ELP4: variants seen among roughly 807,000 people sequenced by gnomAD.
ELP4 encodes the protein elongator complex protein 4.
Under a neutral mutation model 48.9 loss-of-function variants are expected in ELP4, and 51 were observed. The ratio of observed to expected loss-of-function variants is 1.04; its 90% CI spans 0.83 to 1.32. The LOEUF (loss-of-function observed/expected upper bound fraction) is 1.32, where lower values mean the gene tolerates loss of function less well. Ranked by LOEUF, ELP4 falls within the 40% of genes most tolerant of loss-of-function variation. The pLI, the probability that ELP4 is intolerant of heterozygous loss-of-function variation, is 0.00. For missense variants in ELP4, 519 were observed against 514.6 expected (o/e 1.01, Z -0.08); for synonymous variants, 210 against 189.2 (o/e 1.11, Z -0.90).
intron 1 of ELP4, chr11:31,512,230 T>G (rs1956023254): frequency 6.6e-6 from 1 of 152,216 alleles, no homozygotes; most frequent in African/African-American, 2.4e-5. Flanking sequence ...AACTATACTG[T>G]AATATTGTGA....
chr11:31,523,697 G>A (rs2133883752), intron 2 of ELP4, among the ~76,000 whole-genome samples: 1 of 152,006 alleles, frequency 6.6e-6, no homozygotes, highest in South Asian at 2.1e-4. Flanking sequence ...AAAAATTTAA[G>A]ATGGTTGTCA....
chr11:31,527,988 A>G (rs1956325927), intron 2 of ELP4, among the ~76,000 whole-genome samples: 1 of 151,832 alleles, frequency 6.6e-6, no homozygotes. Flanking sequence ...ACCTTTGCTT[A>G]TGTTCTTTCT....
intron 9 of ELP4, chr11:31,719,509 A>C: frequency 2.5e-6 from 1 of 398,280 alleles, no homozygotes; most frequent in Non-Finnish European, 4.4e-6. Context: ...TCCAAACTTG[A>C]AGATTTGATT....
chr11:31,706,786 A>G (rs1946643650), intron 9 of ELP4, among the ~76,000 whole-genome samples: 1 of 151,954 alleles, frequency 6.6e-6, no homozygotes, highest in Non-Finnish European at 1.5e-5. Context: ...TAATACTTCT[A>G]TGACATGAAC....
At chr11:31,565,258 A>C (rs1299188191) in intron 3 of ELP4, among the ~76,000 whole-genome samples, 1 of 152,096 alleles carries the variant, frequency 6.6e-6, no homozygotes, top group Admixed American at 6.5e-5. Flanking sequence ...AGTTCTTTGT[A>C]GATGCTAGAT....
intron 9 of ELP4, among the ~76,000 whole-genome samples, chr11:31,743,089 G>A (rs941475216): frequency 6.6e-6 from 1 of 152,072 alleles, no homozygotes; most frequent in South Asian, 2.1e-4. Flanking sequence ...AAAAAAGGCA[G>A]GGGTTGCAAT....
rs535790616 is a variant in ELP4, at chr11:31,630,007, G to C, written c.739-2210G>C. On this transcript the variant is annotated intron_variant, in intron 6 of 9. Transcript: ENST00000640961. ...TATTTATACTTCTAACCTAAGCCCT[G>C]GTACATCTCATTACTTCATTTCATT... Among the ~76,000 whole-genome samples, 25 of 151,600 alleles carry C rather than the reference G, an allele frequency of 1.6e-4. 1 individual carries two copies. In the South Asian group the frequency reaches 5.0e-3, roughly 30 times the overall value.
At chr11:31,717,321 C>T (rs577444541) in intron 9 of ELP4, among the ~76,000 whole-genome samples, 95 of 152,148 alleles carry the variant, frequency 6.2e-4, no homozygotes, top group Non-Finnish European at 1.2e-3. Context: ...CTGTGACTGT[C>T]GTCAACAGAA....
At chr11:31,627,915 C>T (rs2134038983) in intron 6 of ELP4, among the ~76,000 whole-genome samples, 1 of 152,150 alleles carries the variant, frequency 6.6e-6, no homozygotes, top group East Asian at 1.9e-4. Context: ...AGCTGAAAGT[C>T]TTATTTTTGG....
At chr11:31,516,121 A>G (rs189864284) in intron 1 of ELP4, among the ~76,000 whole-genome samples, 302 of 152,266 alleles carry the variant, frequency 2.0e-3, no homozygotes, top group African/African-American at 6.9e-3. Flanking sequence ...TCAAAAAATA[A>G]AAAATCTTTG....
intron 9 of ELP4, among the ~76,000 whole-genome samples, chr11:31,731,601 T>TGTGTGTGTGTGTGTGTGTGTGTGTGTGTG (rs3073920): frequency 6.8e-6 from 1 of 148,066 alleles, no homozygotes; most frequent in African/African-American, 2.5e-5. Flanking sequence ...TGTGTGTGTG[T>TGTGTGTGTGTGTGTGTGTGTGTGTGTGTG]AGTCTGTGAA....
intron 6 of ELP4, among the ~76,000 whole-genome samples, chr11:31,629,913 T>G (rs1303991083): frequency 6.6e-6 from 1 of 152,018 alleles, no homozygotes; most frequent in Non-Finnish European, 1.5e-5. Context: ...TTCTGAGGTT[T>G]TAAATAATAA....
chr11:31,783,242 C>G, intron 9 of ELP4, 151 bp from the exon 10 acceptor site: 1 of 625,248 alleles, frequency 1.6e-6, no homozygotes, highest in Non-Finnish European at 2.7e-6. Flanking sequence ...GGAATTCAGT[C>G]TGAAGAATTG....
Position 31,650,188 on chromosome 11 carries a change from T to G in ELP4, c.1110T>G (p.Ala370=). 6.7e-7 allele frequency: 1 copy of G among 1,495,546 alleles called. No individual in the cohort carries two copies. Among genetic ancestry groups the G allele is most frequent in the South Asian group, 1.2e-5 (1 of 82,356 alleles). The allele number at this position is 1,495,546 out of a possible 1,614,324, so 92.6% of individuals were successfully genotyped here. The change falls in exon 9 of 10, where the codon GCT becomes GCG. Residue 370 remains alanine (A), a synonymous_variant. Transcript: ENST00000640961. ...ATGAATCAGATGTCAAAGACTTAGC[T>G]TTTAAATTAAAAAGGAAGCTATTCA... The part of the protein sequence containing the change: ...ICDESDVKDL[A]FKLKRKLFTI...
intron 3 of ELP4, among the ~76,000 whole-genome samples, chr11:31,546,825 A>T (rs1164833108): frequency 6.6e-6 from 1 of 152,174 alleles, no homozygotes; most frequent in Admixed American, 6.5e-5. Flanking sequence ...CTCAGGATTA[A>T]GAAACTCACT....
intron 7 of ELP4, among the ~76,000 whole-genome samples, chr11:31,644,751 C>T (rs1945168080): frequency 6.6e-6 from 1 of 151,546 alleles, no homozygotes; most frequent in African/African-American, 2.4e-5. Flanking sequence ...ATCAATAGAC[C>T]ATATTCCTTA....
chr11:31,546,191 A>C (rs886456907), intron 3 of ELP4, among the ~76,000 whole-genome samples: 1 of 152,142 alleles, frequency 6.6e-6, no homozygotes, highest in Non-Finnish European at 1.5e-5. Context: ...CAGACTGGCA[A>C]ATTGGATAAA....
At chr11:31,628,828 T>A (rs1944801079) in intron 6 of ELP4, among the ~76,000 whole-genome samples, 1 of 152,094 alleles carries the variant, frequency 6.6e-6, no homozygotes, top group Non-Finnish European at 1.5e-5. Context: ...CTAAATTACT[T>A]AGTATATATA....
intron 3 of ELP4, among the ~76,000 whole-genome samples, chr11:31,563,885 T>C (rs1245119704): frequency 1.3e-5 from 2 of 152,210 alleles, no homozygotes; most frequent in African/African-American, 4.8e-5. Context: ...TGCTCTGGGT[T>C]AGAAATCAAA....
Sources: allele counts gnomAD v4.1 joint callset (sites outside exome capture counted in the v4.1 genomes callset), GRCh38; gene constraint gnomAD v4.1.1; transcripts MANE v1.5; gene names NCBI Gene and HGNC (gene_info 2026-07-23, HGNC 2026-07-21).